DNA2: variants seen among roughly 807,000 people sequenced by gnomAD.
The protein encoded by DNA2 is DNA replication ATP-dependent helicase/nuclease DNA2.
Under a neutral mutation model 119.1 loss-of-function variants are expected in DNA2, and 101 were observed. The observed-to-expected ratio is 0.85, with a 90% confidence interval of 0.72 to 1.00. The LOEUF (loss-of-function observed/expected upper bound fraction) is 1.00, where lower values mean the gene tolerates loss of function less well. DNA2 is among the 50% of genes least tolerant of loss of function. The probability of loss-of-function intolerance (pLI) is 0.00; values close to 1 mark genes in which losing one functional copy is unlikely to be tolerated. For missense variants in DNA2, 1,121 were observed against 1,255.5 expected (o/e 0.89, Z 1.62); for synonymous variants, 366 against 424.4 (o/e 0.86, Z 1.69).
chr10:68,440,294 T>TA (rs1564886177), intron 9 of DNA2, among the ~76,000 whole-genome samples: 1 of 152,006 alleles, frequency 6.6e-6, no homozygotes, highest in African/African-American at 2.4e-5. Flanking sequence ...CTTTTTTATT[T>TA]TTTATTTATT....
Position 68,468,181 on chromosome 10 carries a change from G to T in DNA2, c.383C>A (p.Thr128Asn). The T allele has an allele frequency of 1.2e-6, 2 of 1,611,014 alleles. No homozygotes were observed. Among genetic ancestry groups the T allele is most frequent in the Non-Finnish European group, 1.7e-6 (2 of 1,178,830 alleles). The change falls in exon 3 of 21, where the codon ACC (threonine) becomes AAC (asparagine). Residue 128 changes from threonine (T) to asparagine (N), a missense_variant. Thr to Asn is a moderately conservative substitution (Grantham distance 65, BLOSUM62 0). Transcript: ENST00000358410. Reference sequence around the variant, plus strand: ...ACATCGAATACTACTGGCTATGCTGGTGCCAGAAATCAGCATGTCTGGATA... The same window carrying T: ...ACATCGAATACTACTGGCTATGCTGTTGCCAGAAATCAGCATGTCTGGATA... ...ILYPDMLISG[T>N]SIASSIRCMR...
chr10:68,428,320 C>T (rs567345666), intron 14 of DNA2, among the ~76,000 whole-genome samples: 6 of 151,970 alleles, frequency 3.9e-5, no homozygotes, highest in Non-Finnish European at 7.4e-5. Context: ...AGCGAGACTC[C>T]GTCTCAAAAT....
Position 68,469,978 on chromosome 10 carries a change from T to C in DNA2, c.257+3A>G, listed in dbSNP as rs769915358. On this transcript the variant is annotated splice_donor_region_variant and intron_variant, in intron 2 of 20. Transcript: ENST00000358410. ...TCGGTGCTCAAAGTCACATAAAAAT[T>C]ACCAGTCATTCCTAAGGATGCATAG... 71 of 1,593,478 alleles carry C rather than the reference T, an allele frequency of 4.5e-5. No homozygotes were observed. Among genetic ancestry groups the C allele is most frequent in the Non-Finnish European group, 5.7e-5 (67 of 1,174,762 alleles).
At chr10:68,424,533 G>A in intron 14 of DNA2, 1 of 744,196 alleles carries the variant, frequency 1.3e-6, no homozygotes, top group Non-Finnish European at 2.4e-6. Context: ...AAACAGGCCT[G>A]AGGCCGCCGC....
chr10:68,460,110 CTTTT>C (rs368737041), intron 4 of DNA2, among the ~76,000 whole-genome samples: 5 of 149,844 alleles, frequency 3.3e-5, no homozygotes, highest in Admixed American at 2.0e-4. Context: ...TTTCTCTTTT[CTTTT>C]TTTATTTTTT....
chr10:68,436,962 G>T (rs1022419865), intron 10 of DNA2, 49 bp downstream of exon 10: 5 of 1,403,164 alleles, frequency 3.6e-6, no homozygotes, highest in Non-Finnish European at 5.0e-6. Context: ...ACACAGATGT[G>T]AATTATATAT....
rs1386850085 is a variant in DNA2, at chr10:68,422,251, G to A, written c.2671C>T (p.Pro891Ser). The change falls in exon 17 of 21, where the codon CCT becomes TCT. Residue 891 changes from proline (P) to serine (S), a missense_variant. Transcript: ENST00000358410. ...TTGTCTGTATTAAGGAAACAAACAG[G>A]ATTGTTGGGTTCAAATACTCCCATC... ...WLMGVFEPNNPVCFLNTDKVP... is the reference protein window; with the variant it reads ...WLMGVFEPNNSVCFLNTDKVP... The A allele has an allele frequency of 5.0e-6, 8 of 1,610,174 alleles. No homozygotes were observed. Among genetic ancestry groups the A allele is most frequent in the Non-Finnish European group, 6.8e-6 (8 of 1,178,398 alleles).
At chr10:68,426,279 T>G in intron 14 of DNA2, among the ~76,000 whole-genome samples, 1 of 151,296 alleles carries the variant, frequency 6.6e-6, no homozygotes, top group East Asian at 1.9e-4. Flanking sequence ...GGCTCACGCC[T>G]GTAATCCCAG....
chr10:68,429,311 G>A (rs1245929725), intron 14 of DNA2, among the ~76,000 whole-genome samples: 1 of 151,270 alleles, frequency 6.6e-6, no homozygotes, highest in African/African-American at 2.4e-5. Context: ...TTGGGAGGCC[G>A]AGGCAGGAGG....
rs755706807 is a variant in DNA2, at chr10:68,450,221, G to A, written c.746C>T (p.Ser249Leu). 4 of 1,581,288 alleles carry A rather than the reference G, an allele frequency of 2.5e-6. No homozygotes were observed. Among genetic ancestry groups the A allele is most frequent in the Non-Finnish European group, 3.4e-6 (4 of 1,162,350 alleles). Residue 249 changes from serine (S) to leucine (L), a missense_variant, in exon 6 of 21, where the codon TCA (serine) becomes TTA (leucine). Transcript: ENST00000358410. ...TTTCACGACTTCAATGTTACATGTT[G>A]AATTATCCTTACTATTATCACTTGG... The part of the protein sequence containing the change: ...SLPSDNSKDN[S>L]TCNIEVVKPM...
intron 4 of DNA2, among the ~76,000 whole-genome samples, chr10:68,459,836 G>A (rs529857345): frequency 3.9e-5 from 6 of 152,208 alleles, no homozygotes; most frequent in African/African-American, 1.4e-4. Context: ...AGACAAGCCT[G>A]GCCAACATGG....
rs537362007 is a variant in DNA2 at position 68,462,243 on chromosome 10, G to C, written c.588-3008C>G. Among the ~76,000 whole-genome samples the C allele has an allele frequency of 3.3e-5, 5 of 151,828 alleles. No homozygotes were observed. In the South Asian group the frequency reaches 1.0e-3, roughly 32 times the overall value. On this transcript the variant is annotated intron_variant, in intron 4 of 20. Coordinates refer to ENST00000358410, the MANE Select transcript of DNA2 (RefSeq NM_001080449.3). ...AAAAATTAGCCGGGTGTGGTGGCAGGCACCTGTAATCCCAGCTACTCAGGA... is the reference window on the plus strand; with the variant it reads ...AAAAATTAGCCGGGTGTGGTGGCAGCCACCTGTAATCCCAGCTACTCAGGA...
intron 10 of DNA2, among the ~76,000 whole-genome samples, chr10:68,436,246 AATGAGGGTCTC>A (rs1397572769): frequency 1.3e-5 from 2 of 152,240 alleles, no homozygotes; most frequent in Non-Finnish European, 2.9e-5. Flanking sequence ...CCATAAAAAA[AATGAGGGTCTC>A]ATATATGCTG....
At chr10:68,471,754 C>T (rs1190776342) in intron 1 of DNA2, 37 bp downstream of exon 1, 3 of 1,541,434 alleles carry the variant, frequency 1.9e-6, no homozygotes, top group South Asian at 1.3e-5. Flanking sequence ...TTCAAATCTC[C>T]CGCTTTGTTC....
intron 10 of DNA2, among the ~76,000 whole-genome samples, chr10:68,433,766 C>T (rs10998161): frequency 0.29 from 44,291 of 151,660 alleles, 7,530 homozygotes; most frequent in African/African-American, 0.46. Context: ...TAAAATGATA[C>T]GTAAGACATT....
chr10:68,448,909 T>A (rs1462027979), intron 6 of DNA2, among the ~76,000 whole-genome samples: 2 of 151,850 alleles, frequency 1.3e-5, no homozygotes, highest in Non-Finnish European at 2.9e-5. Flanking sequence ...TAGCTGGGAC[T>A]ACAGGCATGT....
Position 68,419,171 on chromosome 10 carries a change from T to G in DNA2, c.2830A>C (p.Arg944=), listed in dbSNP as rs1454509148. The change falls in exon 19 of 21, where the codon AGG becomes CGG. Residue 944 remains arginine (R), a synonymous_variant. Coordinates refer to ENST00000358410, the MANE Select transcript of DNA2 (RefSeq NM_001080449.3). ...PSDIGIIAPY[R]QQLKIINDLL... ...TCATTGATGATCTTTAATTGCTGCC[T>G]GTACGGTGCAATAATACCAATATCA... 1.9e-6 allele frequency: 3 copies of G among 1,611,932 alleles called. No individual in the cohort carries two copies. The South Asian group carries it at 3.3e-5, about 18-fold the overall frequency.
chr10:68,458,465 C>T lies in DNA2; in HGVS notation c.719+639G>A, dbSNP rs537873185. Among the ~76,000 whole-genome samples the T allele has an allele frequency of 2.1e-4, 31 of 147,922 alleles. 1 individual carries two copies. In the East Asian group the frequency reaches 5.7e-3, roughly 27 times the overall value. On this transcript the variant is annotated intron_variant, in intron 5 of 20. Transcript: ENST00000358410. ...GAATAATTGCTTGAACCCCGGGAGG[C>T]GGAGGTTGCAGTAAGCCGAAATCAT...
intron 5 of DNA2, among the ~76,000 whole-genome samples, chr10:68,453,474 C>T (rs1439001357): frequency 2.6e-5 from 4 of 151,840 alleles, no homozygotes; most frequent in Admixed American, 6.6e-5. Context: ...TGGCATAATG[C>T]ATAATCTATT....
Sources: gnomAD v4.1 joint callset for allele counts (sites outside exome capture counted in the v4.1 genomes callset) on GRCh38, gnomAD v4.1.1 for gene constraint, MANE v1.5 for transcripts, NCBI Gene and HGNC (gene_info 2026-07-23, HGNC 2026-07-21) for gene names.